The following ANKS1B variants were observed in gnomAD, a reference collection of about 807,000 sequenced individuals.
The protein encoded by ANKS1B is ankyrin repeat and sterile alpha motif domain-containing protein 1B.
A neutral mutation model predicts 148.3 loss-of-function variants in ANKS1B; 36 were observed. The observed-to-expected ratio is 0.24, with a 90% CI of 0.19 to 0.32. The LOEUF is 0.32. Ranked by LOEUF, ANKS1B falls within the 10% of genes least tolerant of loss-of-function variation. ANKS1B has a pLI of 1.00. For synonymous variants in ANKS1B, 542 were observed against 560.8 expected, an observed-to-expected ratio of 0.97 and a Z score of 0.47; for missense variants, 1,157 against 1,542.6, an observed-to-expected ratio of 0.75 and a Z score of 4.19.
intron 1 of ANKS1B, among the ~76,000 whole-genome samples, chr12:99,904,336 C>A (rs1253101880): frequency 6.6e-6 from 1 of 151,950 alleles, no homozygotes; most frequent in Non-Finnish European, 1.5e-5. Context: ...GGATTACAGG[C>A]ATGTGCCACC....
intron 9 of ANKS1B, among the ~76,000 whole-genome samples, chr12:99,549,886 TG>T (rs1399699448): frequency 6.6e-6 from 1 of 152,202 alleles, no homozygotes; most frequent in Non-Finnish European, 1.5e-5. Flanking sequence ...ACTGCCTAAC[TG>T]CAGAAAATTC....
At chr12:99,744,232 C>A (rs2060380560) in intron 8 of ANKS1B, among the ~76,000 whole-genome samples, 1 of 152,144 alleles carries the variant, frequency 6.6e-6, no homozygotes, top group Non-Finnish European at 1.5e-5. Context: ...TTAAAAAATT[C>A]ATACTAATAG....
intron 17 of ANKS1B, among the ~76,000 whole-genome samples, chr12:98,891,715 A>G (rs2099753120): frequency 6.6e-6 from 1 of 152,186 alleles, no homozygotes; most frequent in Admixed American, 6.5e-5. Context: ...TAGCCAATGT[A>G]ATGTTTCACT....
chr12:98,809,658 G>C (rs1225672449), intron 19 of ANKS1B, among the ~76,000 whole-genome samples: 1 of 152,092 alleles, frequency 6.6e-6, no homozygotes, highest in Non-Finnish European at 1.5e-5. Context: ...AGAAGGCAGA[G>C]GGCCACTCCA....
At chr12:99,218,794 CATA>C (rs1396728467) in intron 14 of ANKS1B, among the ~76,000 whole-genome samples, 1 of 152,122 alleles carries the variant, frequency 6.6e-6, no homozygotes, top group Non-Finnish European at 1.5e-5. Context: ...GTGCCAAGCT[CATA>C]ATAAGTGCCA....
intron 1 of ANKS1B, among the ~76,000 whole-genome samples, chr12:99,900,165 C>A (rs1397941943): frequency 1.3e-5 from 2 of 151,272 alleles, no homozygotes; most frequent in African/African-American, 4.8e-5. Context: ...TCCCAAAGTG[C>A]TGGGATAATA....
chr12:98,994,110 A>G (rs777427076), intron 17 of ANKS1B, among the ~76,000 whole-genome samples: 37 of 152,138 alleles, frequency 2.4e-4, no homozygotes, highest in South Asian at 8.3e-4. Flanking sequence ...ATATATGTGG[A>G]TTCCCACAGC....
intron 9 of ANKS1B, among the ~76,000 whole-genome samples, chr12:99,511,453 T>C (rs569725467): frequency 1.6e-4 from 24 of 152,096 alleles, no homozygotes; most frequent in South Asian, 8.3e-4. Flanking sequence ...TGCTCACAGA[T>C]AGGAAGAATC....
intron 11 of ANKS1B, among the ~76,000 whole-genome samples, chr12:99,405,661 C>T (rs1432285405): frequency 6.9e-6 from 1 of 144,020 alleles, no homozygotes; most frequent in African/African-American, 2.6e-5. Flanking sequence ...AAACAAATAA[C>T]ACAATGGCAG....
intron 12 of ANKS1B, among the ~76,000 whole-genome samples, chr12:99,301,382 T>C (rs548268654): frequency 2.6e-5 from 4 of 152,144 alleles, no homozygotes; most frequent in Non-Finnish European, 5.9e-5. Context: ...GAAAAAAACT[T>C]TGACAAACTA....
intron 25 of ANKS1B, among the ~76,000 whole-genome samples, chr12:98,771,798 G>C (rs2098584091): frequency 6.6e-6 from 1 of 152,260 alleles, no homozygotes; most frequent in East Asian, 1.9e-4. Context: ...TTCTGAATGA[G>C]CATATGGGCC....
At chr12:99,853,066 A>G (rs2088249595) in intron 1 of ANKS1B, among the ~76,000 whole-genome samples, 1 of 152,126 alleles carries the variant, frequency 6.6e-6, no homozygotes, top group Non-Finnish European at 1.5e-5. Context: ...ACAGCAAGCC[A>G]CGCACAAGGA....
chr12:99,942,853 C>A (rs827793), intron 1 of ANKS1B, among the ~76,000 whole-genome samples: 152,123 of 152,124 alleles, frequency 1, 76,061 homozygotes, highest in Non-Finnish European at 1. Flanking sequence ...CCTGTTGTTG[C>A]AGAACAGCCA....
intron 1 of ANKS1B, among the ~76,000 whole-genome samples, chr12:99,913,579 G>A (rs2094076611): frequency 6.6e-6 from 1 of 152,170 alleles, no homozygotes; most frequent in South Asian, 2.1e-4. Context: ...GGATTAAAGA[G>A]ATTAGCTTCA....
chr12:99,632,330 T>G (rs1382962446), intron 9 of ANKS1B, among the ~76,000 whole-genome samples: 2 of 151,672 alleles, frequency 1.3e-5, no homozygotes, highest in African/African-American at 4.8e-5. Context: ...AGGCACAGAC[T>G]TGTTACAGGA....
intron 17 of ANKS1B, among the ~76,000 whole-genome samples, chr12:99,039,499 C>T (rs368923695): frequency 6.6e-6 from 1 of 152,150 alleles, no homozygotes; most frequent in Admixed American, 6.5e-5. Context: ...TGGAGAGGCG[C>T]GATGAACCCA....
chr12:99,654,402 C>A (rs547996250), intron 9 of ANKS1B, among the ~76,000 whole-genome samples: 6 of 152,238 alleles, frequency 3.9e-5, no homozygotes, highest in East Asian at 3.9e-4. Context: ...ATATTAAGTT[C>A]TTTGCTTATT....
chr12:99,253,956 C>A (rs1342883529), intron 12 of ANKS1B, among the ~76,000 whole-genome samples: 2 of 152,094 alleles, frequency 1.3e-5, no homozygotes, highest in African/African-American at 4.8e-5. Flanking sequence ...TCAGAGAAAT[C>A]CAATTTGTGG....
chr12:98,981,024 G>C (rs2099909396), intron 17 of ANKS1B, among the ~76,000 whole-genome samples: 1 of 151,142 alleles, frequency 6.6e-6, no homozygotes, highest in Non-Finnish European at 1.5e-5. Context: ...TTTTTTTTTA[G>C]GCCAGGCATG....
Sources: gnomAD v4.1 joint callset for allele counts (sites outside exome capture counted in the v4.1 genomes callset) on GRCh38, gnomAD v4.1.1 for gene constraint, MANE v1.5 for transcripts, NCBI Gene and HGNC (gene_info 2026-07-23, HGNC 2026-07-21) for gene names.